Variants in ADGRG2 observed in about 807,000 individuals in gnomAD.
The protein encoded by ADGRG2 is G protein-coupled receptor 64.
Under a neutral mutation model 74.1 loss-of-function variants are expected in ADGRG2, and 26 were observed. The observed-to-expected ratio is 0.35, with a 90% CI of 0.26 to 0.49. ADGRG2 has a LOEUF of 0.49. Ranked by LOEUF, ADGRG2 falls within the 20% of genes least tolerant of loss-of-function variation. The pLI, the probability that ADGRG2 is intolerant of heterozygous loss-of-function variation, is 0.99. For synonymous variants in ADGRG2, 296 were observed against 295.2 expected, an observed-to-expected ratio of 1.00 and a Z score of -0.03; for missense variants, 619 against 763.1, an observed-to-expected ratio of 0.81 and a Z score of 2.22.
intron 16 of ADGRG2, among the ~76,000 whole-genome samples, 166 bp from the exon 17 acceptor site, chrX:19,010,944 C>G (rs1424882357): frequency 8.9e-6 from 1 of 112,167 alleles, no homozygotes; most frequent in Admixed American, 9.5e-5. Flanking sequence ...TTTATAGTGG[C>G]CTTTTTCATA....
At chrX:19,069,050 A>G (rs764156427) in intron 2 of ADGRG2, among the ~76,000 whole-genome samples, 38 of 112,308 alleles carry the variant, frequency 3.4e-4, no homozygotes, top group Non-Finnish European at 6.0e-4. Flanking sequence ...TGTTATACTT[A>G]GAAGCAAGGT....
At chrX:19,082,072 C>CAAAAAAAAAAAAAAAAA (rs57534658) in intron 2 of ADGRG2, among the ~76,000 whole-genome samples, 5 of 21,166 alleles carry the variant, frequency 2.4e-4, no homozygotes, top group African/African-American at 2.9e-4. Flanking sequence ...GACCCTGTCT[C>CAAAAAAAAAAAAAAAAA]AAAAAAAAAA....
intron 2 of ADGRG2, among the ~76,000 whole-genome samples, chrX:19,070,101 G>A (rs2061630135): frequency 1.8e-5 from 2 of 112,073 alleles, no homozygotes; most frequent in Non-Finnish European, 3.8e-5. Context: ...ACTCACCTGC[G>A]TGCTCCCCCT....
At chrX:19,051,697 T>C (rs1311542282) in intron 3 of ADGRG2, among the ~76,000 whole-genome samples, 2 of 111,445 alleles carry the variant, frequency 1.8e-5, no homozygotes, top group East Asian at 5.7e-4. Flanking sequence ...CTCTCTCTTA[T>C]CCTTAGAACT....
intron 2 of ADGRG2, among the ~76,000 whole-genome samples, chrX:19,073,093 G>C (rs2061679043): frequency 8.9e-6 from 1 of 112,361 alleles, no homozygotes; most frequent in Admixed American, 9.4e-5. Flanking sequence ...TGATAAGTGA[G>C]CCCCAGAAGC....
chrX:19,084,381 A>G (rs1184272697), intron 1 of ADGRG2, among the ~76,000 whole-genome samples: 1 of 110,790 alleles, frequency 9.0e-6, no homozygotes, highest in African/African-American at 3.3e-5. Context: ...TACCTAGGTG[A>G]TGGGTTGATA....
chrX:19,101,414 A>C (rs73193510), intron 1 of ADGRG2, among the ~76,000 whole-genome samples: 1,470 of 111,724 alleles, frequency 0.013, 11 homozygotes, highest in Non-Finnish European at 0.02. Flanking sequence ...ATGTATTAGA[A>C]GGATAGCCAG....
intron 1 of ADGRG2, among the ~76,000 whole-genome samples, chrX:19,102,206 C>T (rs757229756): frequency 9.2e-6 from 1 of 108,793 alleles, no homozygotes; most frequent in African/African-American, 3.3e-5. Flanking sequence ...TGAGCCACCA[C>T]GCCCGGCCTG....
intron 1 of ADGRG2, among the ~76,000 whole-genome samples, chrX:19,120,073 A>G (rs2062586313): frequency 8.9e-6 from 1 of 111,859 alleles, no homozygotes; most frequent in African/African-American, 3.2e-5. Flanking sequence ...CAGTAGCTAA[A>G]TATGCTCTAT....
chrX:19,042,890 C>T (rs1469178460), intron 3 of ADGRG2, among the ~76,000 whole-genome samples: 3 of 110,457 alleles, frequency 2.7e-5, no homozygotes, highest in African/African-American at 6.6e-5. Context: ...ACTTGGGAGG[C>T]GGAGGCATGA....
chrX:19,026,828 G>A (rs1001113317), intron 11 of ADGRG2, among the ~76,000 whole-genome samples: 1 of 111,106 alleles, frequency 9.0e-6, no homozygotes, highest in Non-Finnish European at 1.9e-5. Context: ...ATTTCTCATT[G>A]TCTGTGCTTG....
Position 19,002,588 on chromosome X carries a change from G to C in ADGRG2, c.2230+258C>G, listed in dbSNP as rs763319904. On this transcript the variant is annotated intron_variant, in intron 24 of 28. Coordinates refer to ENST00000379869, the MANE Select transcript of ADGRG2 (RefSeq NM_001079858.3). ...CCTTCTGTGCCAGCCCCAAATTCTA[G>C]TTCCTGGAGATACAAAGAGGATTCA... Among the ~76,000 whole-genome samples, 9 of 112,073 alleles carry C rather than the reference G, an allele frequency of 8.0e-5. No individual in the cohort carries two copies. The South Asian group carries it at 3.0e-3, about 37-fold the overall frequency.
intron 1 of ADGRG2, among the ~76,000 whole-genome samples, chrX:19,085,093 A>G (rs972131882): frequency 3.6e-5 from 4 of 112,065 alleles, no homozygotes; most frequent in Non-Finnish European, 5.6e-5. Flanking sequence ...ATACACACAA[A>G]TACTGTCATT....
At chrX:19,006,686 T>C (rs1365239977) in intron 20 of ADGRG2, among the ~76,000 whole-genome samples, 1 of 110,158 alleles carries the variant, frequency 9.1e-6, no homozygotes, top group Non-Finnish European at 1.9e-5. Context: ...CACACACTGA[T>C]ATCTGATATT....
At position 19,076,723 on chromosome X, in the gene ADGRG2, C is replaced by T. The variant is rs189492682; in HGVS notation, c.-2+5979G>A. ...GGTGGAGGTTGCAGTGAGCCAAGAT[C>T]GTGCCACTGGACTCCAGCCTGGGTG... On this transcript the variant is annotated intron_variant, in intron 2 of 28. Coordinates refer to ENST00000379869, the MANE Select transcript of ADGRG2 (RefSeq NM_001079858.3). Among the ~76,000 whole-genome samples, 7 of 111,323 alleles carry T rather than the reference C, an allele frequency of 6.3e-5. No homozygotes were observed. In the East Asian group the frequency reaches 2.0e-3, roughly 31 times the overall value.
intron 26 of ADGRG2, among the ~76,000 whole-genome samples, chrX:18,997,590 C>T (rs887976568): frequency 6.2e-5 from 7 of 112,297 alleles, no homozygotes; most frequent in African/African-American, 1.9e-4. Context: ...TAATACCATG[C>T]GGTGTAACAC....
chrX:19,060,030 G>A (rs2061464652), intron 3 of ADGRG2, among the ~76,000 whole-genome samples: 1 of 112,154 alleles, frequency 8.9e-6, no homozygotes, highest in Admixed American at 9.4e-5. Flanking sequence ...TACTCGGGAG[G>A]CTGAGGTGGG....
chrX:19,090,808 G>A (rs1376952976), intron 1 of ADGRG2, among the ~76,000 whole-genome samples: 3 of 111,375 alleles, frequency 2.7e-5, no homozygotes, highest in Non-Finnish European at 5.6e-5. Flanking sequence ...CAAATTAGAT[G>A]TTGAGGTTGG....
chrX:19,068,646 C>A, intron 3 of ADGRG2, 71 bp downstream of exon 3: 11 of 471,439 alleles, frequency 2.3e-5, no homozygotes, highest in South Asian at 1.0e-4. Flanking sequence ...TAAAAAAATC[C>A]TAAATAACAA....
Sources: gnomAD v4.1 joint callset for allele counts (sites outside exome capture counted in the v4.1 genomes callset) on GRCh38, gnomAD v4.1.1 for gene constraint, MANE v1.5 for transcripts, NCBI Gene and HGNC (gene_info 2026-07-23, HGNC 2026-07-21) for gene names.